GNPDA1: variants seen among roughly 807,000 people sequenced by gnomAD.
GNPDA1 encodes the protein glucosamine-6-phosphate deaminase 1.
In GNPDA1, 24 loss-of-function variants were observed where a neutral mutation model predicts 28.5. The observed-to-expected ratio is 0.84, with a 90% CI of 0.61 to 1.19. The LOEUF (loss-of-function observed/expected upper bound fraction) is 1.19. GNPDA1 is among the 50% of genes most tolerant of loss of function. The pLI is 0.00. For synonymous variants in GNPDA1, 147 were observed against 139.3 expected (o/e 1.06, Z -0.39); for missense variants, 264 against 367.3 (o/e 0.72, Z 2.30).
intron 3 of GNPDA1, among the ~76,000 whole-genome samples, chr5:142,007,265 G>A (rs532412944): frequency 6.6e-6 from 1 of 152,232 alleles, no homozygotes; most frequent in South Asian, 2.1e-4. Context: ...TTAAAAAAAG[G>A]ATGTTTAAAA....
At chr5:142,004,855 TG>T in intron 5 of GNPDA1, 76 bp downstream of exon 5, 1 of 905,318 alleles carries the variant, frequency 1.1e-6, no homozygotes, top group Non-Finnish European at 1.6e-6. Flanking sequence ...AGAATGTAGG[TG>T]GTACCAGTAT....
intron 1 of GNPDA1, chr5:142,012,595 G>A (rs1161647805): frequency 1.1e-5 from 2 of 177,782 alleles, no homozygotes; most frequent in African/African-American, 2.4e-5. Flanking sequence ...ACTAGAGCAG[G>A]TGGGGCAATG....
At chr5:142,006,841 A>T (rs1483368596) in intron 3 of GNPDA1, among the ~76,000 whole-genome samples, 1 of 150,988 alleles carries the variant, frequency 6.6e-6, no homozygotes, top group South Asian at 2.1e-4. Flanking sequence ...TTTGGCCAGG[A>T]AAAAAAAATA....
rs781064204 is a variant in GNPDA1, at chr5:142,003,114, T to G, written c.743A>C (p.Lys248Thr). 1.9e-6 allele frequency: 3 copies of G among 1,613,914 alleles called. No individual in the cohort carries two copies. The Admixed American group carries it at 5.0e-5, about 27-fold the overall frequency. The change falls in exon 6 of 7, where the codon AAA becomes ACA. Residue 248 changes from lysine (K) to threonine (T), a missense_variant. Transcript: ENST00000311337. The surrounding 1 kb of genome is among the most constrained non-coding windows in gnomAD (Gnocchi z 4.0). ...TTTGAAATACTTGACAGTCTTCACT[T>G]TCAGCTCCAAGGTGGCATCCTCGTC... ...VCDEDATLELKVKTVKYFKGL... is the reference protein window; with the variant it reads ...VCDEDATLELTVKTVKYFKGL...
rs769168992 is a variant in GNPDA1, at chr5:142,007,922, TG to T, written c.125-23del. ...CTCCCTGCAAGAGTGGCCACACCCATGAACACCCCTTGCACCCCAAGTCTGG... is the reference window on the plus strand; with the variant it reads ...CTCCCTGCAAGAGTGGCCACACCCATAACACCCCTTGCACCCCAAGTCTGG... On this transcript the variant is annotated intron_variant, in intron 2 of 6. Coordinates refer to ENST00000311337, the MANE Select transcript of GNPDA1 (RefSeq NM_005471.5). The T allele has an allele frequency of 3.0e-5, 41 of 1,369,046 alleles. No homozygotes were observed. In the East Asian group the frequency reaches 6.2e-4, roughly 21 times the overall value. 84.8% of individuals were successfully genotyped at this position (1,369,046 alleles called of 1,614,324 possible). A position where few individuals can be genotyped will look rare whatever the true frequency, so the allele number is the denominator to read the frequency against.
At position 142,001,903 on chromosome 5, in the gene GNPDA1, A is replaced by AT. The variant is rs1307422133; in HGVS notation, c.*125dup. ...GCTCCCAGCCTCATGGCCAAGAACA[A>AT]TAAGTTCACCCACTTATCTGGAGTA... On this transcript the variant is annotated 3_prime_UTR_variant, in exon 7 of 7. Transcript: ENST00000311337. 1 of 481,158 alleles carries AT rather than the reference A, an allele frequency of 2.1e-6. No homozygotes were observed. The highest frequency in any genetic ancestry group is 2.9e-4 in the Middle Eastern group (1 of 3,446). 29.8% of individuals were successfully genotyped at this position (481,158 alleles called of 1,614,324 possible). A position where few individuals can be genotyped will look rare whatever the true frequency, so the allele number is the denominator to read the frequency against.
chr5:142,011,870 C>T (rs775925365), intron 2 of GNPDA1, 42 bp downstream of exon 2: 14 of 1,612,096 alleles, frequency 8.7e-6, no homozygotes, highest in Middle Eastern at 1.7e-4. Flanking sequence ...TGCCTACTCT[C>T]TCCACCCTTA....
intron 2 of GNPDA1, among the ~76,000 whole-genome samples, chr5:142,010,517 T>TCTTTCTTTC (rs769248633): frequency 0.058 from 8,688 of 148,690 alleles, 395 homozygotes; most frequent in Non-Finnish European, 0.088. Context: ...CTTTCTTTTT[T>TCTTTCTTTC]TTTTTTTTTT....
chr5:142,011,875 C>T lies in GNPDA1; in HGVS notation c.124+37G>A, dbSNP rs764164824. 8.1e-6 allele frequency: 13 copies of T among 1,612,832 alleles called. No individual in the cohort carries two copies. The African/African-American group carries it at 1.5e-4, about 18-fold the overall frequency. ...TGGCCCCTGTTGCCTACTCTCTCCA[C>T]CCTTATCCACGGCACCCTCTCCATC... On this transcript the variant is annotated intron_variant, in intron 2 of 6. Coordinates refer to ENST00000311337, the MANE Select transcript of GNPDA1 (RefSeq NM_005471.5).
chr5:142,012,826 T>G, intron 1 of GNPDA1, 169 bp downstream of exon 1: 3 of 184,400 alleles, frequency 1.6e-5, no homozygotes, highest in Non-Finnish European at 3.1e-5. Flanking sequence ...GTCGGTGGGG[T>G]ACAGCGTGTC....
At chr5:142,012,147 C>T in intron 1 of GNPDA1, 106 bp from the exon 2 acceptor site, 2 of 1,218,720 alleles carry the variant, frequency 1.6e-6, no homozygotes, top group South Asian at 3.0e-5. Flanking sequence ...AATCCCCTTC[C>T]CAAGCTGTCT....
At chr5:142,008,108 A>G (rs1388957740) in intron 2 of GNPDA1, among the ~76,000 whole-genome samples, 3 of 152,248 alleles carry the variant, frequency 2.0e-5, no homozygotes, top group African/African-American at 4.8e-5. Context: ...GGAGGGCAGG[A>G]CTGTGTCTGC....
intron 2 of GNPDA1, among the ~76,000 whole-genome samples, chr5:142,008,988 T>C (rs909835653): frequency 3.3e-5 from 5 of 152,058 alleles, no homozygotes; most frequent in African/African-American, 1.2e-4. Flanking sequence ...TCTCAGGAGA[T>C]ATGTGCTGAA....
intron 5 of GNPDA1, among the ~76,000 whole-genome samples, chr5:142,004,472 CTT>C (rs1253051508): frequency 1.3e-5 from 2 of 152,236 alleles, no homozygotes; most frequent in Non-Finnish European, 1.5e-5. Context: ...GTTTAAAACA[CTT>C]ATATTTTAAT....
At chr5:142,007,963 C>T in intron 2 of GNPDA1, 63 bp from the exon 3 acceptor site, 1 of 889,402 alleles carries the variant, frequency 1.1e-6, no homozygotes, top group South Asian at 1.3e-5. Context: ...CCAGAGGGTT[C>T]ACAGGAATAA....
rs1755672953 is a variant in GNPDA1 at position 142,001,311 on chromosome 5, T to A, written c.*718A>T. ...CACAGGGCTCTGGGGGAAAAACGGC[T>A]TCCACCTTCTGCCTTTTGGTGCTGG... is the stretch of plus-strand genomic sequence containing the variant. On this transcript the variant is annotated 3_prime_UTR_variant, in exon 7 of 7. Coordinates refer to ENST00000311337, the MANE Select transcript of GNPDA1 (RefSeq NM_005471.5). 6.6e-6 allele frequency: 1 copy of A among 152,268 alleles called. No individual in the cohort carries two copies. The highest frequency in any genetic ancestry group is 6.6e-5 in the Admixed American group (1 of 15,264). 9.4% of individuals were successfully genotyped at this position (152,268 alleles called of 1,614,324 possible).
In GNPDA1 at chr5:142,011,953, T is replaced by C. The variant is rs769027389; in HGVS notation, c.83A>G (p.Asn28Ser). The C allele has an allele frequency of 6.2e-7, 1 of 1,613,842 alleles. No individual in the cohort carries two copies. Among genetic ancestry groups the C allele is most frequent in the South Asian group, 1.1e-5 (1 of 91,066 alleles). ...GGTGAAGTACTTCTCTGGCCCTGGG[T>C]TAAACTGGATGATGCGGTTCCTGAT... The part of the protein sequence containing the change: ...KYIRNRIIQF[N>S]PGPEKYFTLG... The change falls in exon 2 of 7, where the codon AAC becomes AGC. Residue 28 changes from asparagine to serine, a missense_variant. Coordinates refer to ENST00000311337, the MANE Select transcript of GNPDA1 (RefSeq NM_005471.5).
At position 142,005,129 on chromosome 5, in the gene GNPDA1, A is replaced by G. The variant is rs771579507; in HGVS notation, c.410-13T>C. 1.2e-5 allele frequency: 19 copies of G among 1,565,850 alleles called. No homozygotes were observed. Among genetic ancestry groups the G allele is most frequent in the Non-Finnish European group, 1.6e-5 (18 of 1,142,170 alleles). On this transcript the variant is annotated splice_polypyrimidine_tract_variant and intron_variant, in intron 4 of 6. Coordinates refer to ENST00000311337, the MANE Select transcript of GNPDA1 (RefSeq NM_005471.5). ...TCAGGGCCGATGCCTATAGGGAGAG[A>G]GCCCGTGCAGCCCTGTCAGTCCCAG...
intron 5 of GNPDA1, 158 bp downstream of exon 5, chr5:142,004,774 C>T (rs1172878394): frequency 1.2e-5 from 6 of 499,214 alleles, no homozygotes; most frequent in South Asian, 9.7e-5. Flanking sequence ...CTTCCAAAGA[C>T]GCAAGAGGAA....
Sources: allele counts gnomAD v4.1 joint callset (sites outside exome capture counted in the v4.1 genomes callset), GRCh38; gene constraint gnomAD v4.1.1; non-coding constraint Gnocchi (gnomAD v3.1); transcripts MANE v1.5; gene names NCBI Gene and HGNC (gene_info 2026-07-23, HGNC 2026-07-21).